Variants in C20orf96 observed in about 807,000 individuals in gnomAD.
C20orf96 encodes chromosome 20 open reading frame 96, also known as uncharacterized protein C20orf96.
In C20orf96, 57 loss-of-function variants were observed where a neutral mutation model predicts 52.6. The ratio of observed to expected loss-of-function variants is 1.08; its 90% confidence interval spans 0.88 to 1.35. C20orf96 has a LOEUF of 1.35. C20orf96 is among the 40% of genes most tolerant of loss of function. The pLI, the probability that C20orf96 is intolerant of heterozygous loss-of-function variation, is 0.00. For synonymous variants in C20orf96, 168 were observed against 157.2 expected (o/e 1.07, Z -0.51); for missense variants, 478 against 443.6 (o/e 1.08, Z -0.70).
intron 3 of C20orf96, among the ~76,000 whole-genome samples, chr20:288,505 A>T (rs1293076342): frequency 6.6e-6 from 1 of 152,132 alleles, no homozygotes; most frequent in Non-Finnish European, 1.5e-5. Flanking sequence ...TCTAGCAGTG[A>T]CAAGATTTCA....
At chr20:280,272 CAAT>C (rs1255157323) in intron 4 of C20orf96, among the ~76,000 whole-genome samples, 21 of 125,742 alleles carry the variant, frequency 1.7e-4, no homozygotes, top group Non-Finnish European at 3.1e-4. Flanking sequence ...CCTACAGTAA[CAAT>C]AACAACAACA....
At chr20:290,344 C>T (rs765132097) in intron 1 of C20orf96, 37 bp from the exon 2 acceptor site, 3 of 1,608,870 alleles carry the variant, frequency 1.9e-6, no homozygotes, top group South Asian at 1.1e-5. Context: ...CTTCCATTAT[C>T]CCCAGCCCAA....
chr20:276,537 T>A, intron 9 of C20orf96: 2 of 984,970 alleles, frequency 2.0e-6, no homozygotes, highest in Non-Finnish European at 2.4e-6. Context: ...GCTGAATAGG[T>A]GATGTTTGGT....
chr20:271,093 C>T lies in C20orf96; in HGVS notation c.*114G>A. The T allele has an allele frequency of 1.2e-6, 1 of 845,096 alleles. No individual in the cohort carries two copies. 52.3% of individuals were successfully genotyped at this position (845,096 alleles called of 1,614,324 possible). A position where few individuals can be genotyped will look rare whatever the true frequency, so the allele number is the denominator to read the frequency against. On this transcript the variant is annotated 3_prime_UTR_variant, in exon 11 of 11. Coordinates refer to ENST00000360321, the MANE Select transcript of C20orf96 (RefSeq NM_153269.3). ...AAAGAGGGAGGAAGGGCAGAGGGAG[C>T]AGGGAGACTGTAGATCAGGGTCTGA... is the stretch of plus-strand genomic sequence containing the variant.
Position 270,889 on chromosome 20 carries a change from A to C in C20orf96, c.*318T>G. The C allele has an allele frequency of 9.3e-6, 3 of 321,724 alleles. No individual in the cohort carries two copies. The highest frequency in any genetic ancestry group is 4.8e-5 in the Admixed American group (1 of 20,766). The allele number at this position is 321,724 out of a possible 1,614,324, so 19.9% of individuals were successfully genotyped here. On this transcript the variant is annotated 3_prime_UTR_variant, in exon 11 of 11. Coordinates refer to ENST00000360321, the MANE Select transcript of C20orf96 (RefSeq NM_153269.3). Reference sequence around the variant, plus strand: ...CAAATGTAAATCCAGCTTTATTGGTAAAAAAGGAATAGCAGATTTAATCAG... The same window carrying C: ...CAAATGTAAATCCAGCTTTATTGGTCAAAAAGGAATAGCAGATTTAATCAG...
chr20:279,238 G>GA lies in C20orf96; in HGVS notation c.398dup (p.Gln134ProfsTer42). 6.2e-7 allele frequency: 1 copy of GA among 1,611,090 alleles called. No individual in the cohort carries two copies. Among genetic ancestry groups the GA allele is most frequent in the South Asian group, 1.1e-5 (1 of 91,056 alleles). Reference sequence around the variant, plus strand: ...GGGTCGTGCTGTTCTCCATCTCCTGGATGGTCTCGATCAGCTCCCGGTTGA... The same window carrying GA: ...GGGTCGTGCTGTTCTCCATCTCCTGGAATGGTCTCGATCAGCTCCCGGTTGA... On this transcript the variant is annotated frameshift_variant, in exon 5 of 11. Transcript: ENST00000360321. LOFTEE classifies it high-confidence loss of function.
chr20:276,238 C>T lies in C20orf96; in HGVS notation c.913-152G>A, dbSNP rs543553996. The T allele has an allele frequency of 7.3e-5, 109 of 1,491,492 alleles. No individual in the cohort carries two copies. The African/African-American group carries it at 1.4e-3, about 19-fold the overall frequency. 92.4% of individuals were successfully genotyped at this position (1,491,492 alleles called of 1,614,324 possible). Reference sequence around the variant, plus strand: ...GCTGGACTCCAGGGAGGGGACTTCCCCATGCAAGGTGCGGCTGGCTTCCAA... The same window carrying T: ...GCTGGACTCCAGGGAGGGGACTTCCTCATGCAAGGTGCGGCTGGCTTCCAA... On this transcript the variant is annotated intron_variant, in intron 9 of 10. Transcript: ENST00000360321.
chr20:278,839 G>C (rs2122261408), intron 5 of C20orf96, among the ~76,000 whole-genome samples: 1 of 139,704 alleles, frequency 7.2e-6, no homozygotes, highest in East Asian at 2.1e-4. Flanking sequence ...GCCCAGGTGA[G>C]GGGAGTGAAG....
At chr20:282,335 A>G (rs1270862351) in intron 4 of C20orf96, among the ~76,000 whole-genome samples, 4 of 152,192 alleles carry the variant, frequency 2.6e-5, no homozygotes, top group Non-Finnish European at 4.4e-5. Flanking sequence ...TCCCCCATCC[A>G]ATAGAATGGA....
rs148500999 is a variant in C20orf96, at chr20:278,400, G to A, written c.495C>T (p.Asn165=). ...ATIIDILEYS[N]KKRLQQLKSE... ...ATTTCAATTGCTGCAGCCTCTTCTT[G>A]TTTGAGTACTCCAAGATGTCGATGA... The change falls in exon 6 of 11, where the codon AAC becomes AAT. Residue 165 remains asparagine (N), a synonymous_variant. Coordinates refer to ENST00000360321, the MANE Select transcript of C20orf96 (RefSeq NM_153269.3). 3.5e-5 allele frequency: 56 copies of A among 1,613,824 alleles called. No individual in the cohort carries two copies. Among genetic ancestry groups the A allele is most frequent in the Non-Finnish European group, 4.7e-5 (55 of 1,179,888 alleles).
chr20:286,243 G>A (rs1018100160), intron 3 of C20orf96, among the ~76,000 whole-genome samples: 8 of 152,184 alleles, frequency 5.3e-5, no homozygotes, highest in Admixed American at 1.3e-4. Flanking sequence ...GGGGCTGGCC[G>A]TGGTGGCTCA....
In C20orf96 at chr20:290,654, C is replaced by T. The variant is rs1393861094; in HGVS notation, c.-44G>A. 7 of 1,604,340 alleles carry T rather than the reference C, an allele frequency of 4.4e-6. No homozygotes were observed. The highest frequency in any genetic ancestry group is 5.9e-6 in the Non-Finnish European group (7 of 1,177,166). ...AGTTGCGAGTCTGTGAGACCCTGAT[C>T]TTCTGGTATAACTACTCGGCTTTTC... is the stretch of plus-strand genomic sequence containing the variant. On this transcript the variant is annotated 5_prime_UTR_variant, in exon 1 of 11. Coordinates refer to ENST00000360321, the MANE Select transcript of C20orf96 (RefSeq NM_153269.3).
At chr20:288,912 A>C (rs2122332108) in intron 3 of C20orf96, among the ~76,000 whole-genome samples, 1 of 152,340 alleles carries the variant, frequency 6.6e-6, no homozygotes, top group South Asian at 2.1e-4. Context: ...GAGAAAACCA[A>C]GGCTCAGAGA....
Position 284,082 on chromosome 20 carries a change from C to T in C20orf96, c.188-1G>A. ...ACCGTAGTGGGCTTGAAGTGAAACA[C>T]TAGGGGTAGACAGGAAAGGACAGGG... On this transcript the variant is annotated splice_acceptor_variant, in intron 3 of 10. Coordinates refer to ENST00000360321, the MANE Select transcript of C20orf96 (RefSeq NM_153269.3). LOFTEE classifies it high-confidence loss of function. 1 of 1,612,376 alleles carries T rather than the reference C, an allele frequency of 6.2e-7. No individual in the cohort carries two copies. The highest frequency in any genetic ancestry group is 8.5e-7 in the Non-Finnish European group (1 of 1,178,486).
At chr20:287,844 G>C (rs2012425373) in intron 3 of C20orf96, among the ~76,000 whole-genome samples, 1 of 139,688 alleles carries the variant, frequency 7.2e-6, no homozygotes, top group African/African-American at 2.7e-5. Flanking sequence ...GGGAGACAGA[G>C]TTTGCAGTGA....
At position 290,274 on chromosome 20, in the gene C20orf96, C is replaced by T. The variant is rs2012504724; in HGVS notation, c.54G>A (p.Gln18=). 6.2e-7 allele frequency: 1 copy of T among 1,612,592 alleles called. No homozygotes were observed. Among genetic ancestry groups the T allele is most frequent in the Non-Finnish European group, 8.5e-7 (1 of 1,179,338 alleles). ...PKHSGTHSIV[Q]EFQVPDYVPW... ...CAAGACTCACCGGAACCTGGAACTC[C>T]TGGACTATGGAGTGAGTCCCAGAGT... The change falls in exon 2 of 11, where the codon CAG becomes CAA. Residue 18 remains glutamine, a synonymous_variant. Coordinates refer to ENST00000360321, the MANE Select transcript of C20orf96 (RefSeq NM_153269.3).
At chr20:275,881 C>T (rs1165605621) in intron 10 of C20orf96, 87 bp downstream of exon 10, 6 of 1,296,092 alleles carry the variant, frequency 4.6e-6, no homozygotes, top group Middle Eastern at 1.8e-4. Context: ...CTGCCATCCA[C>T]ACCAGGCTGC....
intron 6 of C20orf96, 43 bp from the exon 7 acceptor site, chr20:277,426 C>A (rs770311055): frequency 2.5e-6 from 4 of 1,605,900 alleles, no homozygotes; most frequent in Non-Finnish European, 3.4e-6. Context: ...GGAGGCAAGA[C>A]CTTCCCTCAA....
intron 1 of C20orf96, 134 bp from the exon 2 acceptor site, chr20:290,441 G>A: frequency 2.6e-6 from 4 of 1,538,526 alleles, no homozygotes; most frequent in African/African-American, 2.8e-5. Context: ...GCGGGAGTGG[G>A]GCGGGGCCAA....
Sources: gnomAD v4.1 joint callset for allele counts (sites outside exome capture counted in the v4.1 genomes callset) on GRCh38, gnomAD v4.1.1 for gene constraint, MANE v1.5 for transcripts, NCBI Gene and HGNC (gene_info 2026-07-23, HGNC 2026-07-21) for gene names.